Variants in MOCS2 observed in about 807,000 individuals in gnomAD.
The protein encoded by MOCS2 is molybdenum cofactor synthesis 2.
In MOCS2, 13 loss-of-function variants were observed where a neutral mutation model predicts 21.9. The observed-to-expected ratio is 0.59, with a 90% CI of 0.39 to 0.94. MOCS2 has a LOEUF of 0.94. Ranked by LOEUF, MOCS2 falls within the 40% of genes least tolerant of loss-of-function variation. The pLI is 0.00. For synonymous variants in MOCS2, 92 were observed against 80.8 expected (o/e 1.14, Z -0.74); for missense variants, 227 against 218.3 (o/e 1.04, Z -0.25).
In MOCS2 at chr5:53,100,495, C is replaced by T. The variant is rs1282606362; in HGVS notation, c.417G>A (p.Val139=). 2 of 1,613,434 alleles carry T rather than the reference C, an allele frequency of 1.2e-6. No individual in the cohort carries two copies. Among genetic ancestry groups the T allele is most frequent in the East Asian group, 2.2e-5 (1 of 44,870 alleles). Residue 139 remains valine (V), a synonymous_variant, in exon 6 of 7, where the codon GTG becomes GTA. Transcript: ENST00000396954. ...PVSEASIIIA[V]SSAHRAASLE... ...GAGATGCAGCTCTGTGGGCTGAGGACACAGCAATGATTATGCTTGCTTCTG... is the reference window on the plus strand; with the variant it reads ...GAGATGCAGCTCTGTGGGCTGAGGATACAGCAATGATTATGCTTGCTTCTG...
intron 2 of MOCS2, chr5:53,107,434 T>C (rs561967625): frequency 1.1e-5 from 6 of 546,114 alleles, no homozygotes; most frequent in African/African-American, 5.7e-5. Flanking sequence ...TGTCAACTCT[T>C]TATTGGATGT....
chr5:53,098,488 T>C lies in MOCS2; in HGVS notation c.*114A>G. On this transcript the variant is annotated 3_prime_UTR_variant, in exon 7 of 7. Coordinates refer to ENST00000396954, the MANE Select transcript of MOCS2 (RefSeq NM_004531.5). ...CTTTTTCTCCCTTTTGTCCCACTAG[T>C]ATAAGAGATTGTGCTTCAGTAAACT... 4.5e-6 allele frequency: 4 copies of C among 883,722 alleles called. No homozygotes were observed. The highest frequency in any genetic ancestry group is 7.6e-6 in the Non-Finnish European group (4 of 526,584). The allele number at this position is 883,722 out of a possible 1,614,324, so 54.7% of individuals were successfully genotyped here.
rs762314687 is a variant in MOCS2, at chr5:53,098,554, A to G, written c.*48T>C. The G allele has an allele frequency of 3.4e-5, 51 of 1,505,438 alleles. No homozygotes were observed. The South Asian group carries it at 4.6e-4, about 14-fold the overall frequency. The allele number at this position is 1,505,438 out of a possible 1,614,324, so 93.3% of individuals were successfully genotyped here. A position where few individuals can be genotyped will look rare whatever the true frequency, so the allele number is the denominator to read the frequency against. Reference sequence around the variant, plus strand: ...GAAAAAAATCAAAATGTGATCAATAATAATAGTTTAACAAAGTTAAGATTG... The same window carrying G: ...GAAAAAAATCAAAATGTGATCAATAGTAATAGTTTAACAAAGTTAAGATTG... On this transcript the variant is annotated 3_prime_UTR_variant, in exon 7 of 7. Coordinates refer to ENST00000396954, the MANE Select transcript of MOCS2 (RefSeq NM_004531.5).
chr5:53,105,007 A>G (rs936545603), intron 3 of MOCS2, among the ~76,000 whole-genome samples: 1 of 152,140 alleles, frequency 6.6e-6, no homozygotes, highest in African/African-American at 2.4e-5. Context: ...ACATTATCCT[A>G]CTTGAATATG....
intron 2 of MOCS2, chr5:53,108,037 A>G (rs1415796044): frequency 6.5e-6 from 1 of 153,766 alleles, no homozygotes; most frequent in East Asian, 1.9e-4. Context: ...TGGGAATGAC[A>G]TAAGTAAAAT....
At chr5:53,098,956 C>T (rs1452282446) in intron 6 of MOCS2, among the ~76,000 whole-genome samples, 2 of 152,158 alleles carry the variant, frequency 1.3e-5, no homozygotes, top group African/African-American at 4.8e-5. Context: ...GGTCACCTCT[C>T]AGAAGTTCCT....
chr5:53,103,198 A>C (rs532929016), intron 3 of MOCS2, among the ~76,000 whole-genome samples: 57 of 152,338 alleles, frequency 3.7e-4, no homozygotes, highest in African/African-American at 1.3e-3. Context: ...AAATATTCAT[A>C]ATGAATCAGG....
intron 2 of MOCS2, 105 bp from the exon 3 acceptor site, chr5:53,107,326 A>G (rs1741078840): frequency 9.1e-7 from 1 of 1,093,376 alleles, no homozygotes; most frequent in Admixed American, 2.2e-5. Flanking sequence ...ATAAAGCATC[A>G]CCTGCAAAAT....
intron 3 of MOCS2, among the ~76,000 whole-genome samples, chr5:53,103,502 ATAAGGGAATGAACTGCACAC>A (rs989554783): frequency 6.6e-5 from 10 of 152,210 alleles, no homozygotes; most frequent in Admixed American, 5.9e-4. Context: ...AACTGAGGAA[ATAAGGGAATGAACTGCACAC>A]TTACTTACTA....
Position 53,097,008 on chromosome 5 carries a change from G to A in MOCS2, c.*1594C>T, listed in dbSNP as rs1740755702. ...GTAACCCCATGATAATGTGCTTTTA[G>A]ATATAATGCAACAGCCAACACCCAC... On this transcript the variant is annotated 3_prime_UTR_variant, in exon 7 of 7. Transcript: ENST00000396954. The A allele has an allele frequency of 6.6e-6, 1 of 152,222 alleles. No individual in the cohort carries two copies. Among genetic ancestry groups the A allele is most frequent in the South Asian group, 2.1e-4 (1 of 4,828 alleles). 9.4% of individuals were successfully genotyped at this position (152,222 alleles called of 1,614,324 possible).
chr5:53,102,009 A>G (rs1740923621), intron 4 of MOCS2, 88 bp downstream of exon 4: 1 of 1,415,482 alleles, frequency 7.1e-7, no homozygotes, highest in Admixed American at 1.8e-5. Context: ...CAGTATTTCA[A>G]ACTCCTCCGT....
chr5:53,107,107 A>G lies in MOCS2; in HGVS notation c.68T>C (p.Leu23Ser). 2 of 1,614,000 alleles carry G rather than the reference A, an allele frequency of 1.2e-6. No individual in the cohort carries two copies. Among genetic ancestry groups the G allele is most frequent in the Non-Finnish European group, 1.7e-6 (2 of 1,179,950 alleles). ...TGGCTCAAAAGCACTATCCTCCACTAATGGGGGGGATAACGGCAATTTCGT... is the reference window on the plus strand; with the variant it reads ...TGGCTCAAAAGCACTATCCTCCACTGATGGGGGGGATAACGGCAATTTCGT... ...LETKLPLSPP[L>S]VEDSAFEPSR... Residue 23 changes from leucine (L) to serine (S), a missense_variant, in exon 3 of 7, where the codon TTA becomes TCA. Physicochemically the swap from Leu to Ser is moderately radical, Grantham distance 145 (BLOSUM62 -2). Coordinates refer to ENST00000396954, the MANE Select transcript of MOCS2 (RefSeq NM_004531.5).
rs1376090242 is a variant in MOCS2, at chr5:53,096,676, A to C, written c.*1926T>G. On this transcript the variant is annotated 3_prime_UTR_variant, in exon 7 of 7. Coordinates refer to ENST00000396954, the MANE Select transcript of MOCS2 (RefSeq NM_004531.5). ...CAAGTGCAATGCACTAAAATCTTTCAAGGCCATTCCATCCCAGTTCTGGCA... is the reference window on the plus strand; with the variant it reads ...CAAGTGCAATGCACTAAAATCTTTCCAGGCCATTCCATCCCAGTTCTGGCA... 1 of 152,218 alleles carries C rather than the reference A, an allele frequency of 6.6e-6. No individual in the cohort carries two copies. Among genetic ancestry groups the C allele is most frequent in the Non-Finnish European group, 1.5e-5 (1 of 68,044 alleles). The allele number at this position is 152,218 out of a possible 1,614,324, so 9.4% of individuals were successfully genotyped here. A position where few individuals can be genotyped will look rare whatever the true frequency, so the allele number is the denominator to read the frequency against.
chr5:53,102,067 G>A (rs1740925636), intron 4 of MOCS2, 30 bp downstream of exon 4: 4 of 1,606,748 alleles, frequency 2.5e-6, no homozygotes, highest in Non-Finnish European at 3.4e-6. Context: ...GTCTTATACA[G>A]TGATAGATGC....
At chr5:53,100,303 A>G in intron 6 of MOCS2, 108 bp downstream of exon 6, 1 of 1,251,686 alleles carries the variant, frequency 8.0e-7, no homozygotes, top group East Asian at 2.4e-5. Flanking sequence ...GATAAAGAAA[A>G]CAAGATACTA....
intron 6 of MOCS2, among the ~76,000 whole-genome samples, chr5:53,099,555 C>CTCTTG (rs3834255): frequency 6.6e-6 from 1 of 152,156 alleles, no homozygotes; most frequent in African/African-American, 2.4e-5. Context: ...CCTACGTATT[C>CTCTTG]TAACAATGGG....
intron 3 of MOCS2, among the ~76,000 whole-genome samples, chr5:53,106,143 A>G (rs1026266537): frequency 6.6e-6 from 1 of 152,200 alleles, no homozygotes; most frequent in Admixed American, 6.5e-5. Flanking sequence ...ATCATTGTGG[A>G]AGACAGGGTG....
At position 53,105,587 on chromosome 5, in the gene MOCS2, A is replaced by G. The variant is rs184947038; in HGVS notation, c.98+1490T>C. Among the ~76,000 whole-genome samples, 49 of 152,324 alleles carry G rather than the reference A, an allele frequency of 3.2e-4. No homozygotes were observed. The East Asian group carries it at 8.1e-3, about 25-fold the overall frequency. ...ACAAATATTAACTCAAAATGGATTA[A>G]AGACTTAAATGTAAAACCAAAAACT... On this transcript the variant is annotated intron_variant, in intron 3 of 6. Transcript: ENST00000396954.
chr5:53,103,182 G>A (rs183375108), intron 3 of MOCS2, among the ~76,000 whole-genome samples: 1 of 152,262 alleles, frequency 6.6e-6, no homozygotes, highest in Admixed American at 6.5e-5. Context: ...ACTCAATTAT[G>A]TGTATAAATA....
Sources: gnomAD v4.1 joint callset for allele counts (sites outside exome capture counted in the v4.1 genomes callset) on GRCh38, gnomAD v4.1.1 for gene constraint, MANE v1.5 for transcripts, NCBI Gene and HGNC (gene_info 2026-07-23, HGNC 2026-07-21) for gene names.